B4GALNT3: variants seen among roughly 807,000 people sequenced by gnomAD.
B4GALNT3 encodes beta-1,4-N-acetylgalactosaminyltransferase 3.
In B4GALNT3, 86 loss-of-function variants were observed where a neutral mutation model predicts 120.2. That is an observed-to-expected ratio of 0.72 (90% CI 0.60 to 0.86). The LOEUF (loss-of-function observed/expected upper bound fraction) is 0.86. B4GALNT3 is among the 40% of genes least tolerant of loss of function. The probability of loss-of-function intolerance (pLI) is 0.00; values close to 1 mark genes in which losing one functional copy is unlikely to be tolerated. For missense variants in B4GALNT3, 1,167 were observed against 1,298.9 expected (o/e 0.90, Z 1.56); for synonymous variants, 518 against 510.4 (o/e 1.01, Z -0.20).
chr12:551,880 A>G (rs1306033571), intron 11 of B4GALNT3, among the ~76,000 whole-genome samples, 183 bp from the exon 12 acceptor site: 2 of 151,912 alleles, frequency 1.3e-5, no homozygotes. Context: ...AACAAGGGGA[A>G]TGAGAGCCCC....
At chr12:519,361 A>G (rs765028961) in intron 1 of B4GALNT3, among the ~76,000 whole-genome samples, 19 of 152,202 alleles carry the variant, frequency 1.2e-4, no homozygotes, top group Admixed American at 2.6e-4. Context: ...GCCAAAAGAA[A>G]AACAATCCAG....
intron 1 of B4GALNT3, among the ~76,000 whole-genome samples, chr12:462,458 G>A (rs77932389): frequency 0.034 from 5,162 of 150,484 alleles, 122 homozygotes; most frequent in East Asian, 0.14. Flanking sequence ...CCCGTGGGCC[G>A]CCTCATTCCG....
intron 16 of B4GALNT3, 119 bp from the exon 17 acceptor site, chr12:557,897 C>A: frequency 6.8e-7 from 1 of 1,461,556 alleles, no homozygotes; most frequent in Non-Finnish European, 9.5e-7. Context: ...CCAGAGGGCT[C>A]ACCTGCCCAT....
chr12:561,231 C>A, intron 19 of B4GALNT3, 112 bp from the exon 20 acceptor site: 1 of 762,048 alleles, frequency 1.3e-6, no homozygotes, highest in Non-Finnish European at 2.2e-6. Context: ...GTCCACTGCA[C>A]CTGCCTTCCC....
chr12:542,867 A>T (rs1248394369), intron 3 of B4GALNT3, among the ~76,000 whole-genome samples: 1 of 152,124 alleles, frequency 6.6e-6, no homozygotes. Context: ...GCCCCAGCTC[A>T]CTCCTGCAGT....
Position 460,687 on chromosome 12 carries a change from C to G in B4GALNT3, c.169+142C>G. ...CTCAGGTGCCCGGCGTCGCCCCGCG[C>G]GTACTCGGGGAGAGCTGCGGGCGGG... is the stretch of plus-strand genomic sequence containing the variant. On this transcript the variant is annotated intron_variant, in intron 1 of 19. Coordinates refer to ENST00000266383, the MANE Select transcript of B4GALNT3 (RefSeq NM_173593.4). This position sits in a 1 kb window ranked among gnomAD's most constrained non-coding sequence, Gnocchi z 8.0. 1.1e-6 allele frequency: 1 copy of G among 922,558 alleles called. No individual in the cohort carries two copies. Among genetic ancestry groups the G allele is most frequent in the Non-Finnish European group, 1.4e-6 (1 of 701,360 alleles). The allele number at this position is 922,558 out of a possible 1,614,324, so 57.1% of individuals were successfully genotyped here.
intron 1 of B4GALNT3, among the ~76,000 whole-genome samples, chr12:522,936 C>G (rs1436472392): frequency 1.4e-5 from 1 of 70,174 alleles, no homozygotes; most frequent in Non-Finnish European, 2.3e-5. Context: ...GAGGGAGACT[C>G]TGTTTAAAAA....
chr12:497,024 G>A (rs574549948), intron 1 of B4GALNT3, among the ~76,000 whole-genome samples: 25 of 152,200 alleles, frequency 1.6e-4, no homozygotes, highest in African/African-American at 4.3e-4. Flanking sequence ...TTGTAGAGAC[G>A]GGTTCTTGCT....
chr12:502,927 A>T (rs1031201644), intron 1 of B4GALNT3, among the ~76,000 whole-genome samples: 23 of 151,548 alleles, frequency 1.5e-4, no homozygotes, highest in Non-Finnish European at 3.1e-4. Flanking sequence ...TAATTTTTTT[A>T]TTTTTATTTT....
intron 1 of B4GALNT3, among the ~76,000 whole-genome samples, chr12:485,145 T>A (rs1351539839): frequency 6.6e-6 from 1 of 151,992 alleles, no homozygotes; most frequent in Non-Finnish European, 1.5e-5. Context: ...CTGGGGTGTA[T>A]GATGCAGAGG....
rs370189632 is a variant in B4GALNT3 at position 548,342 on chromosome 12, G to A, written c.853+45G>A. The A allele has an allele frequency of 3.8e-6, 6 of 1,580,618 alleles. No homozygotes were observed. Among genetic ancestry groups the A allele is most frequent in the Non-Finnish European group, 5.2e-6 (6 of 1,149,858 alleles). ...GCCCTGGAGATGGAGGCCAGGTGGG[G>A]ACAGCCTACCCTGGGGGATTTGGCA... On this transcript the variant is annotated intron_variant, in intron 9 of 19. Transcript: ENST00000266383. This position sits in a 1 kb window ranked among gnomAD's most constrained non-coding sequence, Gnocchi z 4.9.
rs576404403 is a variant in B4GALNT3 at position 561,465 on chromosome 12, G to A, written c.*14G>A. 9.7e-5 allele frequency: 154 copies of A among 1,585,588 alleles called. No homozygotes were observed. Among genetic ancestry groups the A allele is most frequent in the East Asian group, 3.4e-4 (15 of 44,630 alleles). On this transcript the variant is annotated 3_prime_UTR_variant, in exon 20 of 20. Transcript: ENST00000266383. ...AAGACGCTGTAGCCGGAGGGTGTCC[G>A]CGGGGCCCAGCACTCCCCGCTCTGG... is the stretch of plus-strand genomic sequence containing the variant.
Position 536,605 on chromosome 12 carries a change from CCTGACTAG to C in B4GALNT3, c.351+314_351+321del, listed in dbSNP as rs944806644. Among the ~76,000 whole-genome samples the C allele has an allele frequency of 5.3e-5, 8 of 152,322 alleles. No homozygotes were observed. The East Asian group carries it at 7.7e-4, about 15-fold the overall frequency. ...TCAAGCGATCCTCCAGCTTCAGCCT[CCTGACTAG>C]CTGGGATTACAGGTGGGCATTACTA... On this transcript the variant is annotated intron_variant, in intron 3 of 19. Transcript: ENST00000266383.
chr12:529,529 T>C lies in B4GALNT3; in HGVS notation c.170-5637T>C, dbSNP rs112159627. Among the ~76,000 whole-genome samples the C allele has an allele frequency of 8.7e-4, 133 of 152,356 alleles. 1 individual carries two copies. Among genetic ancestry groups the C allele is most frequent in the African/African-American group, 2.9e-3 (120 of 41,588 alleles). ...CCGACGATACTACTCCCAGCGTAGATCAGCAGATGATTGGAACAGATTCTG... is the reference window on the plus strand; with the variant it reads ...CCGACGATACTACTCCCAGCGTAGACCAGCAGATGATTGGAACAGATTCTG... On this transcript the variant is annotated intron_variant, in intron 1 of 19. Transcript: ENST00000266383.
In B4GALNT3 at chr12:551,016, C is replaced by T; in HGVS notation, c.1092C>T (p.Tyr364=). ...YLVDGLPLQR[Y]QGLRFVHLSF... ...TGGATGGGCTTCCTCTGCAGCGCTA[C>T]CAGGGACTCCGGTTTGTAAGTCTTG... Residue 364 remains tyrosine (Y), a synonymous_variant, in exon 11 of 20, where the codon TAC becomes TAT. Transcript: ENST00000266383. The T allele has an allele frequency of 6.2e-7, 1 of 1,611,656 alleles. No homozygotes were observed. The highest frequency in any genetic ancestry group is 8.5e-7 in the Non-Finnish European group (1 of 1,177,692).
intron 1 of B4GALNT3, among the ~76,000 whole-genome samples, chr12:520,417 C>T (rs566353477): frequency 6.6e-6 from 1 of 152,318 alleles, no homozygotes; most frequent in South Asian, 2.1e-4. Flanking sequence ...CATAGCCAGA[C>T]CACATATCCT....
chr12:488,196 A>G (rs1273269438), intron 1 of B4GALNT3, among the ~76,000 whole-genome samples: 1 of 152,130 alleles, frequency 6.6e-6, no homozygotes, highest in Non-Finnish European at 1.5e-5. Flanking sequence ...ACCCTGTGAA[A>G]TGATTCTTCA....
intron 1 of B4GALNT3, among the ~76,000 whole-genome samples, chr12:462,340 C>A (rs1041773435): frequency 6.7e-6 from 1 of 149,944 alleles, no homozygotes; most frequent in African/African-American, 2.5e-5. Context: ...CTCCCTTTCT[C>A]CCTCTCCTCA....
rs1178682144 is a variant in B4GALNT3 at position 460,433 on chromosome 12, G to A, written c.57G>A (p.Leu19=). 3.2e-6 allele frequency: 5 copies of A among 1,564,424 alleles called. No individual in the cohort carries two copies. The highest frequency in any genetic ancestry group is 3.5e-6 in the Non-Finnish European group (4 of 1,158,302). The change falls in exon 1 of 20, where the codon CTG becomes CTA. Residue 19 remains leucine, a synonymous_variant. Coordinates refer to ENST00000266383, the MANE Select transcript of B4GALNT3 (RefSeq NM_173593.4). This position sits in a 1 kb window ranked among gnomAD's most constrained non-coding sequence, Gnocchi z 8.0. ...TGCTCCTGCGCCCGGTGAAGCTGCT[G>A]CGGAGGCGCTTCCGGCTGCTGCTGG... ...PPLLLRPVKL[L]RRRFRLLLAL... is the part of the protein sequence containing the mutation.
Sources: gnomAD v4.1 joint callset for allele counts (sites outside exome capture counted in the v4.1 genomes callset) on GRCh38, gnomAD v4.1.1 for gene constraint, Gnocchi (gnomAD v3.1) non-coding constraint, MANE v1.5 for transcripts, NCBI Gene and HGNC (gene_info 2026-07-23, HGNC 2026-07-21) for gene names.